NELL1: variants seen among roughly 807,000 people sequenced by gnomAD.
The protein encoded by NELL1 is protein kinase C-binding protein NELL1.
Under a neutral mutation model 107.4 loss-of-function variants are expected in NELL1, and 76 were observed. The ratio of observed to expected loss-of-function variants is 0.71; its 90% CI spans 0.59 to 0.86. NELL1 has a LOEUF of 0.86. NELL1 is among the 40% of genes least tolerant of loss of function. The pLI, the probability that NELL1 is intolerant of heterozygous loss-of-function variation, is 0.00. For synonymous variants in NELL1, 353 were observed against 341.2 expected (o/e 1.03, Z -0.38); for missense variants, 1,024 against 1,005.5 (o/e 1.02, Z -0.25).
At chr11:21,007,893 T>C (rs948962066) in intron 12 of NELL1, among the ~76,000 whole-genome samples, 2 of 152,116 alleles carry the variant, frequency 1.3e-5, no homozygotes, top group African/African-American at 4.8e-5. Flanking sequence ...AATAGAAATA[T>C]CCACATTTGT....
intron 4 of NELL1, among the ~76,000 whole-genome samples, chr11:20,880,518 C>T (rs563536848): frequency 3.7e-4 from 57 of 152,272 alleles, no homozygotes; most frequent in African/African-American, 1.2e-3. Flanking sequence ...TGCGGAACTG[C>T]GATACGAACC....
intron 12 of NELL1, among the ~76,000 whole-genome samples, chr11:21,082,689 C>T (rs1854297625): frequency 6.6e-6 from 1 of 152,126 alleles, no homozygotes; most frequent in Admixed American, 6.5e-5. Context: ...TTATCTCTGT[C>T]TATTCCATTT....
At chr11:21,205,254 G>C (rs1000396165) in intron 13 of NELL1, among the ~76,000 whole-genome samples, 6 of 152,120 alleles carry the variant, frequency 3.9e-5, no homozygotes, top group Non-Finnish European at 7.4e-5. Context: ...GGAGATGGGG[G>C]TTTTATCTTT....
intron 12 of NELL1, among the ~76,000 whole-genome samples, chr11:21,100,129 G>T (rs1854768222): frequency 6.6e-6 from 1 of 151,846 alleles, no homozygotes; most frequent in African/African-American, 2.4e-5. Flanking sequence ...TGATTCTCAT[G>T]CCTCAGACTC....
intron 3 of NELL1, among the ~76,000 whole-genome samples, chr11:20,822,977 T>TG (rs1344970557): frequency 6.6e-6 from 1 of 152,170 alleles, no homozygotes; most frequent in Non-Finnish European, 1.5e-5. Context: ...GAGCTTGGCT[T>TG]GGAAAGCTGA....
chr11:20,863,694 C>T (rs1423388907), intron 4 of NELL1, among the ~76,000 whole-genome samples: 1 of 152,086 alleles, frequency 6.6e-6, no homozygotes. Flanking sequence ...CTCCTCACTT[C>T]CCAGACGGGG....
intron 15 of NELL1, among the ~76,000 whole-genome samples, chr11:21,515,045 C>T (rs532205218): frequency 6.6e-6 from 1 of 152,212 alleles, no homozygotes; most frequent in South Asian, 2.1e-4. Flanking sequence ...GAACAAATGG[C>T]GAAAGTATCT....
chr11:21,337,842 TTTCTTTC>T (rs1565175635), intron 14 of NELL1, among the ~76,000 whole-genome samples: 5 of 138,854 alleles, frequency 3.6e-5, no homozygotes, highest in Non-Finnish European at 6.2e-5. Context: ...CTTTCTTTTC[TTTCTTTC>T]TTTCTTTCTT....
At chr11:20,813,195 G>T (rs1452882384) in intron 3 of NELL1, among the ~76,000 whole-genome samples, 2 of 152,054 alleles carry the variant, frequency 1.3e-5, no homozygotes, top group African/African-American at 4.8e-5. Context: ...ATGACCATGG[G>T]TGACCATATT....
chr11:21,207,399 A>C (rs1236643853), intron 13 of NELL1, among the ~76,000 whole-genome samples: 1 of 152,130 alleles, frequency 6.6e-6, no homozygotes, highest in African/African-American at 2.4e-5. Flanking sequence ...GCAGGATGCC[A>C]TGAACTCTAT....
At chr11:20,819,212 A>T (rs970807757) in intron 3 of NELL1, among the ~76,000 whole-genome samples, 1 of 152,200 alleles carries the variant, frequency 6.6e-6, no homozygotes, top group Non-Finnish European at 1.5e-5. Flanking sequence ...TGCTGCATGT[A>T]CAGCATTGAT....
chr11:20,877,855 A>C (rs1218196818), intron 4 of NELL1, among the ~76,000 whole-genome samples: 1 of 152,210 alleles, frequency 6.6e-6, no homozygotes, highest in African/African-American at 2.4e-5. Flanking sequence ...GTACAGCTTA[A>C]TAGGTAGCAC....
intron 12 of NELL1, among the ~76,000 whole-genome samples, chr11:21,018,903 C>G (rs1309084499): frequency 6.6e-6 from 1 of 152,082 alleles, no homozygotes; most frequent in Non-Finnish European, 1.5e-5. Context: ...GCTCTGTGTT[C>G]TACTTCATTT....
At chr11:21,465,334 A>T (rs1159431429) in intron 15 of NELL1, among the ~76,000 whole-genome samples, 1 of 152,102 alleles carries the variant, frequency 6.6e-6, no homozygotes, top group East Asian at 1.9e-4. Flanking sequence ...AAGTCACCCA[A>T]TTAGTAAGAG....
intron 2 of NELL1, among the ~76,000 whole-genome samples, chr11:20,739,640 C>A (rs1355648724): frequency 1.3e-5 from 2 of 152,148 alleles, no homozygotes; most frequent in African/African-American, 4.8e-5. Context: ...GCTCAAGTGA[C>A]CTGCAATGGG....
At chr11:21,244,490 T>A (rs2133902187) in intron 14 of NELL1, among the ~76,000 whole-genome samples, 1 of 152,280 alleles carries the variant, frequency 6.6e-6, no homozygotes, top group South Asian at 2.1e-4. Flanking sequence ...AAAATCTCAA[T>A]GTAGACCAAG....
intron 14 of NELL1, among the ~76,000 whole-genome samples, chr11:21,243,596 C>G (rs370530589): frequency 1.8e-4 from 27 of 152,212 alleles, no homozygotes; most frequent in Non-Finnish European, 1.5e-5. Flanking sequence ...CGCACATGCA[C>G]ATAACACGTG....
At chr11:21,557,330 T>A (rs1161596352) in intron 16 of NELL1, among the ~76,000 whole-genome samples, 3 of 152,042 alleles carry the variant, frequency 2.0e-5, no homozygotes, top group Non-Finnish European at 4.4e-5. Context: ...GCACAATAGG[T>A]ATGTTTATCT....
intron 12 of NELL1, among the ~76,000 whole-genome samples, chr11:21,019,119 A>G (rs796339086): frequency 3.9e-5 from 6 of 152,172 alleles, no homozygotes; most frequent in African/African-American, 1.4e-4. Context: ...TAGCTTTGTG[A>G]TTTTGGACAA....
Sources: gnomAD v4.1 joint callset for allele counts (sites outside exome capture counted in the v4.1 genomes callset) on GRCh38, gnomAD v4.1.1 for gene constraint, MANE v1.5 for transcripts, NCBI Gene and HGNC (gene_info 2026-07-23, HGNC 2026-07-21) for gene names.